Variants in ADAMTS2 observed in about 807,000 individuals in gnomAD.
ADAMTS2 encodes the protein ADAM metallopeptidase with thrombospondin type 1 motif 2.
Under a neutral mutation model 123.0 loss-of-function variants are expected in ADAMTS2, and 50 were observed. That is an observed-to-expected ratio of 0.41 (90% confidence interval 0.32 to 0.51). ADAMTS2 has a LOEUF of 0.51. Ranked by LOEUF, ADAMTS2 falls within the 20% of genes least tolerant of loss-of-function variation. The pLI is 0.35. For missense variants in ADAMTS2, 1,494 were observed against 1,705.2 expected (o/e 0.88, Z 2.18); for synonymous variants, 678 against 695.4 (o/e 0.98, Z 0.39).
chr5:179,212,508 T>C (rs113008891), intron 3 of ADAMTS2, among the ~76,000 whole-genome samples: 477 of 35,420 alleles, frequency 0.013, 17 homozygotes, highest in Admixed American at 0.018. Context: ...GGCACGGGCT[T>C]TGTGGGCAGG....
At position 179,175,122 on chromosome 5, in the gene ADAMTS2, T is replaced by C. The variant is rs1034511972; in HGVS notation, c.975+5950A>G. On this transcript the variant is annotated intron_variant, in intron 5 of 21. Coordinates refer to ENST00000251582, the MANE Select transcript of ADAMTS2 (RefSeq NM_014244.5). The surrounding 1 kb of genome is among the most constrained non-coding windows in gnomAD (Gnocchi z 4.1). ...AGCTGTCTCAGCCATTCTTGACTGT[T>C]CATGTTCCTTTGGAGGAAGTCTCTT... Among the ~76,000 whole-genome samples, 6 of 148,816 alleles carry C rather than the reference T, an allele frequency of 4.0e-5. No individual in the cohort carries two copies. The highest frequency in any genetic ancestry group is 1.3e-4 in the African/African-American group (5 of 39,220).
chr5:179,137,057 G>T (rs2113216718), intron 12 of ADAMTS2, among the ~76,000 whole-genome samples: 1 of 152,268 alleles, frequency 6.6e-6, no homozygotes, highest in East Asian at 1.9e-4. Context: ...TCAGGTCCCT[G>T]GAACCTTCCC....
Position 179,314,712 on chromosome 5 carries a change from C to T in ADAMTS2, c.534+29055G>A, listed in dbSNP as rs1756935537. On this transcript the variant is annotated intron_variant, in intron 2 of 21. Transcript: ENST00000251582. This position sits in a 1 kb window ranked among gnomAD's most constrained non-coding sequence, Gnocchi z 4.5. ...TCTGGGGGCTTCCACGCTCTTCCACCAAGCCCTTGTAGCCTTCCTGCACCC... is the reference window on the plus strand; with the variant it reads ...TCTGGGGGCTTCCACGCTCTTCCACTAAGCCCTTGTAGCCTTCCTGCACCC... Among the ~76,000 whole-genome samples the T allele has an allele frequency of 6.6e-6, 1 of 152,146 alleles. No individual in the cohort carries two copies. The highest frequency in any genetic ancestry group is 6.5e-5 in the Admixed American group (1 of 15,282).
chr5:179,130,163 T>G lies in ADAMTS2; in HGVS notation c.2291-65A>C. ...AAGAGCAGGACCCAGGCCCACTGGT[T>G]TGGGCTGGTCGGGGAGTGGGGGCAG... is the stretch of plus-strand genomic sequence containing the variant. On this transcript the variant is annotated intron_variant, in intron 15 of 21. Coordinates refer to ENST00000251582, the MANE Select transcript of ADAMTS2 (RefSeq NM_014244.5). The surrounding 1 kb of genome is among the most constrained non-coding windows in gnomAD (Gnocchi z 4.3). 1 of 1,606,014 alleles carries G rather than the reference T, an allele frequency of 6.2e-7. No homozygotes were observed. Among genetic ancestry groups the G allele is most frequent in the South Asian group, 1.1e-5 (1 of 90,360 alleles).
intron 2 of ADAMTS2, among the ~76,000 whole-genome samples, chr5:179,328,055 G>T (rs528790138): frequency 3.3e-5 from 5 of 152,318 alleles, no homozygotes; most frequent in African/African-American, 1.2e-4. Context: ...TTGAGACAGA[G>T]TCTCGCTCTG....
chr5:179,208,854 G>A lies in ADAMTS2; in HGVS notation c.689-1139C>T, dbSNP rs144306133. ...GCAGGTCCTCAGAGACTCCTGGCCC[G>A]GGACAGACCCAGGGCTGCAGGTCAT... On this transcript the variant is annotated intron_variant, in intron 3 of 21. Coordinates refer to ENST00000251582, the MANE Select transcript of ADAMTS2 (RefSeq NM_014244.5). 7.9e-4 allele frequency among the ~76,000 whole-genome samples: 121 copies of A among 152,272 alleles called. 1 individual carries two copies. The highest frequency in any genetic ancestry group is 1.2e-3 in the South Asian group (6 of 4,820).
intron 3 of ADAMTS2, among the ~76,000 whole-genome samples, chr5:179,222,143 GGGGT>G (rs1765141338): frequency 1.3e-5 from 2 of 152,124 alleles, no homozygotes; most frequent in Admixed American, 1.3e-4. Flanking sequence ...CCTGAGTTTG[GGGGT>G]GGTGACAATT....
At chr5:179,241,069 AGCT>A (rs2113450484) in intron 3 of ADAMTS2, among the ~76,000 whole-genome samples, 1 of 152,374 alleles carries the variant, frequency 6.6e-6, no homozygotes, top group South Asian at 2.1e-4. Flanking sequence ...AGATGGGTTT[AGCT>A]GCATGGGTGA....
chr5:179,164,141 T>C (rs1321738707), intron 5 of ADAMTS2, among the ~76,000 whole-genome samples: 2 of 152,200 alleles, frequency 1.3e-5, no homozygotes, highest in Non-Finnish European at 2.9e-5. Context: ...ACAGAGCTGC[T>C]TGTGCTTCCT....
At chr5:179,146,533 T>C (rs537078308) in intron 10 of ADAMTS2, among the ~76,000 whole-genome samples, 19 of 152,376 alleles carry the variant, frequency 1.2e-4, no homozygotes, top group Non-Finnish European at 1.5e-4. Flanking sequence ...GCGTCTTTGA[T>C]GTTGTCAACA....
intron 2 of ADAMTS2, among the ~76,000 whole-genome samples, chr5:179,279,030 A>G (rs1392979318): frequency 6.6e-6 from 1 of 152,016 alleles, no homozygotes. Context: ...AAACACAAGC[A>G]TGCATCCTGT....
At position 179,137,806 on chromosome 5, in the gene ADAMTS2, G is replaced by A. The variant is rs752737484; in HGVS notation, c.1914C>T (p.Asp638=). 3.3e-5 allele frequency: 52 copies of A among 1,579,722 alleles called. No homozygotes were observed. Among genetic ancestry groups the A allele is most frequent in the Middle Eastern group, 3.9e-4 (2 of 5,182 alleles). Reference sequence around the variant, plus strand: ...CGTGGGGCAGCCAGTGGTGCTGGGCGTCGCCGTGCTCGAAGTACAGGTCCC... The same window carrying A: ...CGTGGGGCAGCCAGTGGTGCTGGGCATCGCCGTGCTCGAAGTACAGGTCCC... The part of the protein sequence containing the change: ...RQWDLYFEHG[D]AQHHWLPHEH... Residue 638 remains aspartate, a synonymous_variant, in exon 12 of 22, where the codon GAC becomes GAT. Coordinates refer to ENST00000251582, the MANE Select transcript of ADAMTS2 (RefSeq NM_014244.5).
rs1420249874 is a variant in ADAMTS2 at position 179,312,213 on chromosome 5, T to C, written c.534+31554A>G. On this transcript the variant is annotated intron_variant, in intron 2 of 21. Coordinates refer to ENST00000251582, the MANE Select transcript of ADAMTS2 (RefSeq NM_014244.5). This position sits in a 1 kb window ranked among gnomAD's most constrained non-coding sequence, Gnocchi z 4.2. ...TTTGTAGATGCGGTGAGTCCAAGGA[T>C]CCTGAGATGGAGTGACTGCTGGATT... 6.6e-6 allele frequency among the ~76,000 whole-genome samples: 1 copy of C among 152,084 alleles called. No individual in the cohort carries two copies. Among genetic ancestry groups the C allele is most frequent in the Non-Finnish European group, 1.5e-5 (1 of 68,014 alleles).
At chr5:179,287,920 G>GT (rs1364791497) in intron 2 of ADAMTS2, among the ~76,000 whole-genome samples, 1 of 152,234 alleles carries the variant, frequency 6.6e-6, no homozygotes, top group Non-Finnish European at 1.5e-5. Context: ...CCCAACGCCA[G>GT]TCCCCCCACT....
rs1762690464 is a variant in ADAMTS2 at position 179,117,908 on chromosome 5, G to C, written c.3179-3584C>G. Among the ~76,000 whole-genome samples the C allele has an allele frequency of 6.6e-6, 1 of 152,144 alleles. No individual in the cohort carries two copies. Among genetic ancestry groups the C allele is most frequent in the Non-Finnish European group, 1.5e-5 (1 of 68,032 alleles). On this transcript the variant is annotated intron_variant, in intron 21 of 21. Transcript: ENST00000251582. The surrounding 1 kb of genome is among the most constrained non-coding windows in gnomAD (Gnocchi z 4.2). ...GAGTCCTGTGACAGAGACCATGTGG[G>C]CTCCAATGCCCAAAATATTGACTAC...
At chr5:179,207,333 A>G (rs1278345518) in intron 4 of ADAMTS2, among the ~76,000 whole-genome samples, 180 bp downstream of exon 4, 4 of 152,158 alleles carry the variant, frequency 2.6e-5, no homozygotes, top group African/African-American at 7.2e-5. Flanking sequence ...GAGGTCAGGG[A>G]TGGTCAACTT....
At chr5:179,223,283 TAC>T (rs138886185) in intron 3 of ADAMTS2, among the ~76,000 whole-genome samples, 1,922 of 116,394 alleles carry the variant, frequency 0.017, 12 homozygotes, top group Middle Eastern at 0.035. Flanking sequence ...AATGCACTCA[TAC>T]ACACACACAC....
chr5:179,345,102 GA>G lies in ADAMTS2; in HGVS notation c.139+87del. On this transcript the variant is annotated intron_variant, in intron 1 of 21. Transcript: ENST00000251582. This position sits in a 1 kb window ranked among gnomAD's most constrained non-coding sequence, Gnocchi z 7.5. ...CGCGGAGTTTGCCCAAGTCAGGCTG[GA>G]CGACGCCTGGGGAGGGGGCGGCGGG... 1 of 980,212 alleles carries G rather than the reference GA, an allele frequency of 1.0e-6. No individual in the cohort carries two copies. Among genetic ancestry groups the G allele is most frequent in the Non-Finnish European group, 1.2e-6 (1 of 811,508 alleles). 60.7% of individuals were successfully genotyped at this position (980,212 alleles called of 1,614,324 possible). A position where few individuals can be genotyped will look rare whatever the true frequency, so the allele number is the denominator to read the frequency against.
intron 3 of ADAMTS2, among the ~76,000 whole-genome samples, 188 bp from the exon 4 acceptor site, chr5:179,207,903 C>T (rs144607495): frequency 6.6e-6 from 1 of 152,326 alleles, no homozygotes; most frequent in East Asian, 1.9e-4. Flanking sequence ...GTCTCAGACA[C>T]AGCAGGGCCC....
Sources: allele counts gnomAD v4.1 joint callset (sites outside exome capture counted in the v4.1 genomes callset), GRCh38; gene constraint gnomAD v4.1.1; non-coding constraint Gnocchi (gnomAD v3.1); transcripts MANE v1.5; gene names NCBI Gene and HGNC (gene_info 2026-07-23, HGNC 2026-07-21).